The following PRKCA variants were observed in gnomAD, a reference collection of about 807,000 sequenced individuals.
PRKCA encodes the protein protein kinase C alpha type.
A neutral mutation model predicts 87.0 loss-of-function variants in PRKCA; 27 were observed. The observed-to-expected ratio is 0.31, with a 90% CI of 0.23 to 0.43. The LOEUF (loss-of-function observed/expected upper bound fraction) is 0.43. Ranked by LOEUF, PRKCA falls within the 20% of genes least tolerant of loss-of-function variation. The pLI, the probability that PRKCA is intolerant of heterozygous loss-of-function variation, is 1.00. For synonymous variants in PRKCA, 329 were observed against 311.1 expected, an observed-to-expected ratio of 1.06 and a Z score of -0.61; for missense variants, 518 against 852.3, an observed-to-expected ratio of 0.61 and a Z score of 4.88.
chr17:66,546,844 T>C (rs947573100), intron 3 of PRKCA, among the ~76,000 whole-genome samples: 3 of 152,222 alleles, frequency 2.0e-5, no homozygotes, highest in African/African-American at 4.8e-5. Flanking sequence ...GGGCTTGTAA[T>C]GTAAATCTTT....
chr17:66,536,266 C>T (rs1160492751), intron 3 of PRKCA, among the ~76,000 whole-genome samples: 1 of 152,140 alleles, frequency 6.6e-6, no homozygotes, highest in Non-Finnish European at 1.5e-5. Context: ...GGTGTAAGTT[C>T]AGAACTTTCC....
chr17:66,392,500 T>C (rs1336216680), intron 2 of PRKCA, among the ~76,000 whole-genome samples: 11 of 152,190 alleles, frequency 7.2e-5, no homozygotes, highest in Non-Finnish European at 1.5e-5. Context: ...TTGATTTTTA[T>C]GATTCCTCTG....
At chr17:66,421,803 A>G (rs895028347) in intron 2 of PRKCA, among the ~76,000 whole-genome samples, 12 of 151,180 alleles carry the variant, frequency 7.9e-5, no homozygotes, top group African/African-American at 2.4e-4. Context: ...TTGGCCTCCC[A>G]AAGTGTTGGG....
intron 2 of PRKCA, among the ~76,000 whole-genome samples, chr17:66,493,550 A>G (rs746245168): frequency 1.7e-4 from 26 of 151,924 alleles, no homozygotes; most frequent in Non-Finnish European, 3.8e-4. Flanking sequence ...TCATCTATCC[A>G]TCTGTCTGTC....
chr17:66,466,457 G>A (rs1915092980), intron 2 of PRKCA, among the ~76,000 whole-genome samples: 1 of 152,106 alleles, frequency 6.6e-6, no homozygotes, highest in Admixed American at 6.5e-5. Context: ...GCTGAGATGG[G>A]GGTCAGAATT....
intron 3 of PRKCA, among the ~76,000 whole-genome samples, chr17:66,633,296 T>C (rs531426261): frequency 6.6e-6 from 1 of 152,224 alleles, no homozygotes; most frequent in South Asian, 2.1e-4. Flanking sequence ...GGTCTTTTTT[T>C]ATATCATAGG....
intron 2 of PRKCA, among the ~76,000 whole-genome samples, chr17:66,315,146 CATAT>C (rs1905254433): frequency 6.6e-6 from 1 of 152,128 alleles, no homozygotes; most frequent in South Asian, 2.1e-4. Flanking sequence ...AGCCAGCACC[CATAT>C]AGCACTTACT....
At chr17:66,669,638 A>G (rs1972124489) in intron 5 of PRKCA, among the ~76,000 whole-genome samples, 1 of 152,168 alleles carries the variant, frequency 6.6e-6, no homozygotes, top group Non-Finnish European at 1.5e-5. Flanking sequence ...GGTGGCTCAC[A>G]CCTGTAATTG....
chr17:66,361,469 G>C (rs560380906), intron 2 of PRKCA, among the ~76,000 whole-genome samples: 2 of 151,720 alleles, frequency 1.3e-5, no homozygotes. Context: ...CCGCCACCAC[G>C]CCTGGCTAAT....
intron 2 of PRKCA, among the ~76,000 whole-genome samples, chr17:66,334,277 A>T (rs1906525322): frequency 6.6e-6 from 1 of 152,064 alleles, no homozygotes; most frequent in African/African-American, 2.4e-5. Flanking sequence ...AACACCAAAA[A>T]AACTGTAATA....
intron 3 of PRKCA, among the ~76,000 whole-genome samples, chr17:66,608,754 C>A (rs115686763): frequency 6.6e-6 from 1 of 152,074 alleles, no homozygotes; most frequent in Non-Finnish European, 1.5e-5. Flanking sequence ...GAGGGAAGAG[C>A]GTAGAGCTAT....
intron 2 of PRKCA, among the ~76,000 whole-genome samples, chr17:66,392,359 T>G (rs1910417532): frequency 6.6e-6 from 1 of 152,192 alleles, no homozygotes; most frequent in South Asian, 2.1e-4. Context: ...ACACGTATGC[T>G]GTGCCATTTG....
intron 3 of PRKCA, among the ~76,000 whole-genome samples, chr17:66,556,154 G>A (rs1349435664): frequency 4.6e-5 from 7 of 152,016 alleles, no homozygotes; most frequent in African/African-American, 1.7e-4. Flanking sequence ...CCACCTGGAT[G>A]CTTTCCATTT....
chr17:66,566,731 A>G (rs1968915194), intron 3 of PRKCA, among the ~76,000 whole-genome samples: 1 of 152,140 alleles, frequency 6.6e-6, no homozygotes, highest in South Asian at 2.1e-4. Flanking sequence ...TAAAGTAGAA[A>G]TAGATTCTTC....
intron 3 of PRKCA, among the ~76,000 whole-genome samples, chr17:66,568,508 AG>A (rs764665933): frequency 9.2e-5 from 14 of 152,022 alleles, no homozygotes; most frequent in Admixed American, 2.6e-4. Context: ...GAGGCCAGGA[AG>A]GCTGGCGCTG....
chr17:66,663,511 C>T lies in PRKCA; in HGVS notation c.529+18000C>T, dbSNP rs554657951. ...TGAGGGAGGGGCTGGAGGGGCCATC[C>T]GCTGCCCTCGCTAGTTCCTCAGGCT... On this transcript the variant is annotated intron_variant, in intron 5 of 16. Transcript: ENST00000413366. Among the ~76,000 whole-genome samples the T allele has an allele frequency of 9.9e-5, 15 of 152,274 alleles. No homozygotes were observed. In the South Asian group the frequency reaches 2.1e-3, roughly 21 times the overall value.
At chr17:66,385,632 C>T (rs1910017843) in intron 2 of PRKCA, among the ~76,000 whole-genome samples, 1 of 152,188 alleles carries the variant, frequency 6.6e-6, no homozygotes, top group Admixed American at 6.5e-5. Context: ...GAGGCCGTGG[C>T]CAGAGGATTG....
At chr17:66,442,463 T>C (rs1367391865) in intron 2 of PRKCA, among the ~76,000 whole-genome samples, 1 of 152,092 alleles carries the variant, frequency 6.6e-6, no homozygotes, top group Non-Finnish European at 1.5e-5. Flanking sequence ...GAGTGATCTT[T>C]AGCATTCCCA....
At chr17:66,737,911 C>T (rs60872247) in intron 10 of PRKCA, among the ~76,000 whole-genome samples, 20,428 of 152,230 alleles carry the variant, frequency 0.13, 1,617 homozygotes, top group East Asian at 0.29. Context: ...GACTGGGGCT[C>T]CCAGGGTTGC....
Sources: gnomAD v4.1 joint callset for allele counts (sites outside exome capture counted in the v4.1 genomes callset) on GRCh38, gnomAD v4.1.1 for gene constraint, MANE v1.5 for transcripts, NCBI Gene and HGNC (gene_info 2026-07-23, HGNC 2026-07-21) for gene names.